RBMS3: variants seen among roughly 807,000 people sequenced by gnomAD.
RBMS3 encodes RNA binding motif single stranded interacting protein 3, also known as RNA-binding motif, single-stranded-interacting protein 3.
A neutral mutation model predicts 66.8 loss-of-function variants in RBMS3; 27 were observed. That is an observed-to-expected ratio of 0.40 (90% confidence interval 0.30 to 0.56). The LOEUF is 0.56. Among genes scored for constraint, RBMS3 ranks in the 20% least tolerant of loss-of-function variants. The pLI is 0.40. For missense variants in RBMS3, 513 were observed against 549.5 expected, an observed-to-expected ratio of 0.93 and a Z score of 0.66; for synonymous variants, 188 against 183.0, an observed-to-expected ratio of 1.03 and a Z score of -0.22.
chr3:29,471,517 G>A (rs1034571838), intron 2 of RBMS3, among the ~76,000 whole-genome samples: 10 of 152,236 alleles, frequency 6.6e-5, no homozygotes, highest in Admixed American at 2.0e-4. Context: ...TTGTTGTTAG[G>A]TGAATTCCAT....
intron 4 of RBMS3, among the ~76,000 whole-genome samples, chr3:29,700,911 T>G (rs9863097): frequency 0.12 from 18,340 of 152,132 alleles, 2,352 homozygotes; most frequent in African/African-American, 0.32. Flanking sequence ...AGATTGGACA[T>G]TGCGCTTTTT....
intron 1 of RBMS3, among the ~76,000 whole-genome samples, chr3:29,335,503 GA>G (rs1308493237): frequency 2.6e-5 from 4 of 152,184 alleles, no homozygotes; most frequent in Non-Finnish European, 4.4e-5. Flanking sequence ...AAAAGGGAAA[GA>G]AATTGCTACA....
intron 3 of RBMS3, among the ~76,000 whole-genome samples, chr3:29,569,494 C>G (rs1299394087): frequency 2.6e-5 from 4 of 152,054 alleles, no homozygotes. Context: ...CATGACTATT[C>G]AAACTTTTGA....
At chr3:29,883,117 T>G (rs1387355322) in intron 7 of RBMS3, among the ~76,000 whole-genome samples, 1 of 152,108 alleles carries the variant, frequency 6.6e-6, no homozygotes, top group East Asian at 1.9e-4. Context: ...CCATTCAACA[T>G]TGTAAGCATT....
intron 4 of RBMS3, among the ~76,000 whole-genome samples, chr3:29,631,964 A>G (rs2049298248): frequency 6.6e-6 from 1 of 151,976 alleles, no homozygotes; most frequent in Non-Finnish European, 1.5e-5. Context: ...GTGCATTTGC[A>G]TGCCAACCAG....
intron 10 of RBMS3, among the ~76,000 whole-genome samples, chr3:29,919,168 A>G (rs1262859959): frequency 6.6e-6 from 1 of 152,156 alleles, no homozygotes; most frequent in Non-Finnish European, 1.5e-5. Flanking sequence ...TAATTTGCCA[A>G]ACACAGACCT....
chr3:29,369,956 A>G (rs535271593), intron 1 of RBMS3, among the ~76,000 whole-genome samples: 1 of 152,218 alleles, frequency 6.6e-6, no homozygotes, highest in Non-Finnish European at 1.5e-5. Context: ...TGAAGATACA[A>G]TGCAGACACC....
chr3:29,463,626 A>G (rs2042443002), intron 2 of RBMS3, among the ~76,000 whole-genome samples: 1 of 152,034 alleles, frequency 6.6e-6, no homozygotes, highest in African/African-American at 2.4e-5. Flanking sequence ...AAAAAAAAAA[A>G]AAAAAGCAGT....
chr3:29,861,317 C>T (rs1159236568), intron 6 of RBMS3, among the ~76,000 whole-genome samples: 1 of 152,172 alleles, frequency 6.6e-6, no homozygotes, highest in Non-Finnish European at 1.5e-5. Context: ...CTCCATCCAG[C>T]TCCTCCCACT....
chr3:29,394,064 T>G (rs1263092981), intron 1 of RBMS3, among the ~76,000 whole-genome samples: 1 of 152,116 alleles, frequency 6.6e-6, no homozygotes, highest in Non-Finnish European at 1.5e-5. Context: ...AGGCTGGAAT[T>G]TCCTAATCCT....
At chr3:29,294,031 C>T (rs1360459723) in intron 1 of RBMS3, among the ~76,000 whole-genome samples, 1 of 151,644 alleles carries the variant, frequency 6.6e-6, no homozygotes, top group Non-Finnish European at 1.5e-5. Context: ...ATATTTGTGT[C>T]AGAGTTAGTC....
intron 2 of RBMS3, among the ~76,000 whole-genome samples, chr3:29,436,133 G>T (rs1422918280): frequency 6.6e-6 from 1 of 151,914 alleles, no homozygotes; most frequent in Non-Finnish European, 1.5e-5. Context: ...TTTCTCTTTT[G>T]CAATGCTTTT....
rs4411846 is a variant in RBMS3, at chr3:29,362,207, G to A, written c.76-72536G>A. Among the ~76,000 whole-genome samples the A allele has an allele frequency of 2.2e-3, 335 of 152,258 alleles. 3 individuals carry two copies. The highest frequency in any genetic ancestry group is 3.4e-3 in the Non-Finnish European group (233 of 68,034). On this transcript the variant is annotated intron_variant, in intron 1 of 14. Coordinates refer to ENST00000383767, the MANE Select transcript of RBMS3 (RefSeq NM_001003793.3). The stretch of plus-strand genomic sequence containing the variant: ...TCTACCTTTGGTCTTTGATGATGGT[G>A]ACGTACACATGGGGTTTTGGTGTGG...
chr3:29,891,008 C>T (rs1351685119), intron 8 of RBMS3, among the ~76,000 whole-genome samples: 1 of 151,548 alleles, frequency 6.6e-6, no homozygotes, highest in Admixed American at 6.6e-5. Context: ...AGAGGTGCCA[C>T]ATCCTAGCTA....
At chr3:29,587,235 T>A in intron 4 of RBMS3, 30 bp downstream of exon 4, 1 of 750,112 alleles carries the variant, frequency 1.3e-6, no homozygotes, top group Non-Finnish European at 1.8e-6. Flanking sequence ...GTGTTTTTTT[T>A]TTTTTTTTTT....
intron 3 of RBMS3, among the ~76,000 whole-genome samples, chr3:29,560,695 T>C (rs1428443496): frequency 1.3e-5 from 2 of 152,272 alleles, no homozygotes; most frequent in African/African-American, 4.8e-5. Context: ...GTGACTGAAA[T>C]TAAAGATGGT....
intron 4 of RBMS3, among the ~76,000 whole-genome samples, chr3:29,636,202 TTACTA>T (rs1209831579): frequency 5.9e-5 from 9 of 151,832 alleles, no homozygotes; most frequent in African/African-American, 1.9e-4. Context: ...CAGAAAAGCA[TTACTA>T]TACTCACTTG....
At position 29,397,967 on chromosome 3, in the gene RBMS3, A is replaced by C. The variant is rs1176059829; in HGVS notation, c.76-36776A>C. Among the ~76,000 whole-genome samples, 5 of 152,286 alleles carry C rather than the reference A, an allele frequency of 3.3e-5. No individual in the cohort carries two copies. The South Asian group carries it at 8.3e-4, about 25-fold the overall frequency. On this transcript the variant is annotated intron_variant, in intron 1 of 14. Transcript: ENST00000383767. ...ATGCTTCCATGATGAGCAAGTATTCAAACTATGATAAGGAAGGATATGAAA... is the reference window on the plus strand; with the variant it reads ...ATGCTTCCATGATGAGCAAGTATTCCAACTATGATAAGGAAGGATATGAAA...
At chr3:29,610,614 A>G (rs1345695458) in intron 4 of RBMS3, among the ~76,000 whole-genome samples, 1 of 152,120 alleles carries the variant, frequency 6.6e-6, no homozygotes, top group South Asian at 2.1e-4. Context: ...TGTTAGCCTC[A>G]TAACTGCTAT....
Sources: gnomAD v4.1 joint callset for allele counts (sites outside exome capture counted in the v4.1 genomes callset) on GRCh38, gnomAD v4.1.1 for gene constraint, MANE v1.5 for transcripts, NCBI Gene and HGNC (gene_info 2026-07-23, HGNC 2026-07-21) for gene names.